Variants in KATNIP observed in about 807,000 individuals in gnomAD.
KATNIP encodes katanin-interacting protein.
A neutral mutation model predicts 174.0 loss-of-function variants in KATNIP; 126 were observed. That is an observed-to-expected ratio of 0.72 (90% CI 0.63 to 0.84). KATNIP has a LOEUF of 0.84. KATNIP is among the 40% of genes least tolerant of loss of function. KATNIP has a pLI of 0.00. For missense variants in KATNIP, 1,958 were observed against 2,109.7 expected, an observed-to-expected ratio of 0.93 and a Z score of 1.41; for synonymous variants, 810 against 835.7, an observed-to-expected ratio of 0.97 and a Z score of 0.53.
intron 2 of KATNIP, among the ~76,000 whole-genome samples, chr16:27,580,131 T>G (rs1426460725): frequency 6.6e-6 from 1 of 152,138 alleles, no homozygotes; most frequent in Non-Finnish European, 1.5e-5. Context: ...TTTTTTGTTT[T>G]AGACAGGGTC....
intron 3 of KATNIP, among the ~76,000 whole-genome samples, chr16:27,622,079 C>T (rs2076213267): frequency 6.6e-6 from 1 of 151,982 alleles, no homozygotes; most frequent in Non-Finnish European, 1.5e-5. Context: ...TCAGTTTCAC[C>T]CGGTGGAGTC....
intron 3 of KATNIP, among the ~76,000 whole-genome samples, chr16:27,622,821 G>C (rs572475207): frequency 6.6e-6 from 1 of 152,254 alleles, no homozygotes; most frequent in East Asian, 1.9e-4. Context: ...TTGTCCTCAT[G>C]GCAGCCCAGG....
At chr16:27,566,406 G>A (rs2090090550) in intron 1 of KATNIP, among the ~76,000 whole-genome samples, 1 of 152,086 alleles carries the variant, frequency 6.6e-6, no homozygotes, top group Admixed American at 6.6e-5. Flanking sequence ...CGTGGTGGTG[G>A]GCTCCTGTAA....
chr16:27,662,340 T>A (rs929362972), intron 6 of KATNIP, among the ~76,000 whole-genome samples: 2 of 151,930 alleles, frequency 1.3e-5, no homozygotes, highest in African/African-American at 4.8e-5. Flanking sequence ...GCTTTGTCAG[T>A]TCCTGATGAG....
intron 13 of KATNIP, among the ~76,000 whole-genome samples, chr16:27,720,112 G>T (rs1422773580): frequency 4.6e-5 from 7 of 152,120 alleles, no homozygotes; most frequent in Non-Finnish European, 1.0e-4. Context: ...TTGTTTGTTT[G>T]TTTGTTTTTT....
At chr16:27,700,746 A>C (rs896557626) in intron 10 of KATNIP, among the ~76,000 whole-genome samples, 1 of 152,180 alleles carries the variant, frequency 6.6e-6, no homozygotes, top group East Asian at 1.9e-4. Flanking sequence ...GAGGCGGCGA[A>C]GTGGGGACGG....
intron 8 of KATNIP, among the ~76,000 whole-genome samples, chr16:27,685,897 G>T (rs939829379): frequency 2.0e-5 from 3 of 152,180 alleles, no homozygotes; most frequent in Admixed American, 6.5e-5. Context: ...GTTACCGTTA[G>T]AAATCCCTCA....
chr16:27,767,330 G>A (rs902923732), intron 20 of KATNIP, among the ~76,000 whole-genome samples: 2 of 152,146 alleles, frequency 1.3e-5, no homozygotes, highest in Non-Finnish European at 2.9e-5. Flanking sequence ...CCGTTGCCAG[G>A]TAACAGTTGA....
At chr16:27,654,699 A>G in intron 6 of KATNIP, 1 of 1,352,034 alleles carries the variant, frequency 7.4e-7, no homozygotes, top group South Asian at 1.1e-5. Flanking sequence ...AGCAGCGTGG[A>G]CAAAGAAAGG....
chr16:27,639,428 G>A (rs2076731719), intron 5 of KATNIP, among the ~76,000 whole-genome samples: 1 of 152,208 alleles, frequency 6.6e-6, no homozygotes, highest in Non-Finnish European at 1.5e-5. Context: ...CCTCAGCCTT[G>A]TAATACTTGG....
In KATNIP at chr16:27,646,852, G is replaced by A. The variant is rs528601757; in HGVS notation, c.409-1752G>A. On this transcript the variant is annotated intron_variant, in intron 5 of 27. Coordinates refer to ENST00000261588, the MANE Select transcript of KATNIP (RefSeq NM_015202.5). ...TCCATGAGGTCACCCAGGAACCCCT[G>A]TTACTCTGACCATCCTCCAGATGTT... 3.9e-5 allele frequency among the ~76,000 whole-genome samples: 6 copies of A among 152,304 alleles called. No homozygotes were observed. The South Asian group carries it at 1.2e-3, about 32-fold the overall frequency.
intron 2 of KATNIP, among the ~76,000 whole-genome samples, chr16:27,578,577 C>T (rs149229380): frequency 3.3e-5 from 5 of 151,890 alleles, no homozygotes; most frequent in East Asian, 1.9e-4. Context: ...GGAAAGGTTA[C>T]GGTCATTTCT....
chr16:27,714,231 TTTC>T (rs150427750), intron 13 of KATNIP, among the ~76,000 whole-genome samples: 7,494 of 152,212 alleles, frequency 0.049, 244 homozygotes, highest in Non-Finnish European at 0.077. Context: ...TCCTTTTTCA[TTTC>T]TTCAGAGCAC....
chr16:27,682,761 A>G (rs1344385088), intron 8 of KATNIP, among the ~76,000 whole-genome samples: 1 of 152,142 alleles, frequency 6.6e-6, no homozygotes, highest in Non-Finnish European at 1.5e-5. Flanking sequence ...TTTAATCCCC[A>G]ATGTGGCAAT....
intron 2 of KATNIP, among the ~76,000 whole-genome samples, chr16:27,579,303 G>A (rs1374803035): frequency 6.6e-6 from 1 of 152,188 alleles, no homozygotes; most frequent in Non-Finnish European, 1.5e-5. Flanking sequence ...AGTTTGCTGT[G>A]AGGGCTGCAG....
chr16:27,707,916 C>T (rs1331656372), intron 12 of KATNIP, among the ~76,000 whole-genome samples: 2 of 152,054 alleles, frequency 1.3e-5, no homozygotes, highest in African/African-American at 4.8e-5. Context: ...CTCATTTTAA[C>T]TTAATCACCT....
chr16:27,729,286 A>G (rs537428406), intron 14 of KATNIP, among the ~76,000 whole-genome samples: 6 of 152,192 alleles, frequency 3.9e-5, no homozygotes, highest in East Asian at 3.9e-4. Flanking sequence ...GTAGCCCCCA[A>G]TGGCATCAGG....
chr16:27,624,881 A>G (rs2076288796), intron 3 of KATNIP, among the ~76,000 whole-genome samples: 1 of 152,254 alleles, frequency 6.6e-6, no homozygotes, highest in Non-Finnish European at 1.5e-5. Context: ...CATGGCCCAT[A>G]GGACAGAGGC....
chr16:27,762,421 C>T (rs374636074), intron 19 of KATNIP, among the ~76,000 whole-genome samples: 141 of 152,290 alleles, frequency 9.3e-4, no homozygotes, highest in African/African-American at 3.0e-3. Flanking sequence ...TCAAACAGCC[C>T]TTTGAGGAAG....
Sources: gnomAD v4.1 joint callset for allele counts (sites outside exome capture counted in the v4.1 genomes callset) on GRCh38, gnomAD v4.1.1 for gene constraint, MANE v1.5 for transcripts, NCBI Gene and HGNC (gene_info 2026-07-23, HGNC 2026-07-21) for gene names.